LMBRD1: variants seen among roughly 807,000 people sequenced by gnomAD.
The protein encoded by LMBRD1 is LMBR1 domain containing 1.
Under a neutral mutation model 74.8 loss-of-function variants are expected in LMBRD1, and 64 were observed. The observed-to-expected ratio is 0.86, with a 90% CI of 0.70 to 1.05. The LOEUF is 1.05. LMBRD1 is among the 50% of genes least tolerant of loss of function. LMBRD1 has a pLI of 0.00. For synonymous variants in LMBRD1, 204 were observed against 216.3 expected, an observed-to-expected ratio of 0.94 and a Z score of 0.50; for missense variants, 652 against 645.9, an observed-to-expected ratio of 1.01 and a Z score of -0.10.
intron 9 of LMBRD1, among the ~76,000 whole-genome samples, chr6:69,703,455 CAA>C (rs530645065): frequency 0.095 from 11,626 of 122,562 alleles, 581 homozygotes; most frequent in Admixed American, 0.18. Flanking sequence ...TCCATTTTGG[CAA>C]AAAAAAAAAA....
chr6:69,719,310 C>CAAATTTACTGT (rs1188307731), intron 7 of LMBRD1, among the ~76,000 whole-genome samples: 1 of 151,910 alleles, frequency 6.6e-6, no homozygotes, highest in African/African-American at 2.4e-5. Context: ...GGTTAAGTTG[C>CAAATTTACTGT]AAATTTACTG....
At chr6:69,723,953 A>C (rs1766671071) in intron 7 of LMBRD1, among the ~76,000 whole-genome samples, 1 of 152,062 alleles carries the variant, frequency 6.6e-6, no homozygotes, top group Non-Finnish European at 1.5e-5. Context: ...AAATAAAATA[A>C]AAGATGAAAA....
chr6:69,735,845 A>T (rs908530177), intron 7 of LMBRD1, among the ~76,000 whole-genome samples: 1 of 152,202 alleles, frequency 6.6e-6, no homozygotes. Context: ...AGCTCACATG[A>T]CATGGCCTCT....
intron 7 of LMBRD1, among the ~76,000 whole-genome samples, chr6:69,719,548 C>T (rs1274378867): frequency 3.3e-5 from 5 of 152,008 alleles, no homozygotes; most frequent in African/African-American, 1.2e-4. Context: ...TTTAAAAGTT[C>T]TAAATATTTA....
chr6:69,737,873 A>G, intron 7 of LMBRD1, 69 bp downstream of exon 7: 1 of 980,792 alleles, frequency 1.0e-6, no homozygotes, highest in Non-Finnish European at 1.6e-6. Flanking sequence ...AATAAAGTTT[A>G]ATAAATTACT....
chr6:69,751,383 G>C (rs1202166659), intron 4 of LMBRD1, among the ~76,000 whole-genome samples: 1 of 151,948 alleles, frequency 6.6e-6, no homozygotes, highest in African/African-American at 2.4e-5. Context: ...CTGGAGCGCA[G>C]TGGAGTGATC....
chr6:69,760,144 T>G (rs1015082643), intron 3 of LMBRD1, among the ~76,000 whole-genome samples: 12 of 152,206 alleles, frequency 7.9e-5, no homozygotes, highest in Non-Finnish European at 1.8e-4. Flanking sequence ...TTGACTCCTA[T>G]GTATGTACTC....
chr6:69,743,671 C>T (rs1767156377), intron 5 of LMBRD1, among the ~76,000 whole-genome samples: 1 of 152,158 alleles, frequency 6.6e-6, no homozygotes, highest in East Asian at 1.9e-4. Flanking sequence ...ATTACTTTAC[C>T]ATCAGGATTT....
At chr6:69,685,527 G>A (rs909504337) in intron 14 of LMBRD1, among the ~76,000 whole-genome samples, 114 of 152,156 alleles carry the variant, frequency 7.5e-4, no homozygotes, top group African/African-American at 2.3e-3. Flanking sequence ...TGGGTCAGGC[G>A]TGGTGGCTCA....
intron 3 of LMBRD1, among the ~76,000 whole-genome samples, chr6:69,765,627 T>C (rs1235159860): frequency 2.6e-5 from 4 of 152,216 alleles, no homozygotes; most frequent in African/African-American, 7.2e-5. Context: ...TAGGATTGGC[T>C]TGTCAGTTTT....
chr6:69,792,873 C>T (rs1357701281), intron 1 of LMBRD1, among the ~76,000 whole-genome samples: 1 of 152,148 alleles, frequency 6.6e-6, no homozygotes, highest in African/African-American at 2.4e-5. Flanking sequence ...AGCTAGGAAA[C>T]GGCAACCAGG....
At chr6:69,699,413 T>G (rs534097023) in intron 12 of LMBRD1, among the ~76,000 whole-genome samples, 2 of 151,958 alleles carry the variant, frequency 1.3e-5, no homozygotes, top group East Asian at 3.9e-4. Context: ...ACAGCATCTG[T>G]TAGAAGTTCA....
At chr6:69,687,830 C>T (rs1765795446) in intron 14 of LMBRD1, among the ~76,000 whole-genome samples, 1 of 152,068 alleles carries the variant, frequency 6.6e-6, no homozygotes, top group Admixed American at 6.6e-5. Context: ...ATTTTCAGAC[C>T]ATAAAACAAA....
At chr6:69,765,663 T>C (rs1020098731) in intron 3 of LMBRD1, among the ~76,000 whole-genome samples, 3 of 152,190 alleles carry the variant, frequency 2.0e-5, no homozygotes, top group Non-Finnish European at 2.9e-5. Context: ...AAAGTCTGTG[T>C]GACTTTAATA....
intron 7 of LMBRD1, among the ~76,000 whole-genome samples, chr6:69,726,457 C>G (rs1208311998): frequency 6.6e-6 from 1 of 152,100 alleles, no homozygotes; most frequent in African/African-American, 2.4e-5. Context: ...TTTACAACAG[C>G]CAAGATTTGG....
intron 3 of LMBRD1, among the ~76,000 whole-genome samples, chr6:69,756,985 T>C (rs1483868283): frequency 6.6e-6 from 1 of 152,160 alleles, no homozygotes; most frequent in Non-Finnish European, 1.5e-5. Context: ...TTCAGCAATA[T>C]TAGGTCTGCT....
At chr6:69,783,256 C>T (rs1408498541) in intron 2 of LMBRD1, among the ~76,000 whole-genome samples, 1 of 152,206 alleles carries the variant, frequency 6.6e-6, no homozygotes, top group Non-Finnish European at 1.5e-5. Flanking sequence ...AAAATTTTTT[C>T]ATCAATGATT....
At chr6:69,722,000 T>C (rs1409380844) in intron 7 of LMBRD1, among the ~76,000 whole-genome samples, 1 of 152,054 alleles carries the variant, frequency 6.6e-6, no homozygotes, top group Non-Finnish European at 1.5e-5. Context: ...GAAGAGCAAG[T>C]AGGACTTTGT....
intron 14 of LMBRD1, among the ~76,000 whole-genome samples, chr6:69,678,520 T>C (rs765200474): frequency 7.9e-5 from 12 of 152,178 alleles, no homozygotes; most frequent in Non-Finnish European, 1.6e-4. Context: ...TGTAAAATTA[T>C]ATATGCTGCA....
Sources: gnomAD v4.1 joint callset for allele counts (sites outside exome capture counted in the v4.1 genomes callset) on GRCh38, gnomAD v4.1.1 for gene constraint, MANE v1.5 for transcripts, NCBI Gene and HGNC (gene_info 2026-07-23, HGNC 2026-07-21) for gene names.